Variants in WIPI1 observed in about 807,000 individuals in gnomAD.
WIPI1 encodes WD repeat domain phosphoinositide-interacting protein 1.
A neutral mutation model predicts 55.3 loss-of-function variants in WIPI1; 45 were observed. The observed-to-expected ratio is 0.81, with a 90% confidence interval of 0.64 to 1.04. WIPI1 has a LOEUF of 1.04. WIPI1 is among the 50% of genes least tolerant of loss of function. The pLI is 0.00. For missense variants in WIPI1, 445 were observed against 559.0 expected (o/e 0.80, Z 2.06); for synonymous variants, 195 against 217.6 (o/e 0.90, Z 0.92).
intron 9 of WIPI1, among the ~76,000 whole-genome samples, 191 bp from the exon 10 acceptor site, chr17:68,429,127 T>G (rs2083393268): frequency 6.6e-6 from 1 of 152,230 alleles, no homozygotes; most frequent in South Asian, 2.1e-4. Context: ...TCAGGATTAT[T>G]TCTTGTCTTT....
At chr17:68,441,940 T>G (rs2084095761) in intron 4 of WIPI1, among the ~76,000 whole-genome samples, 1 of 152,208 alleles carries the variant, frequency 6.6e-6, no homozygotes, top group African/African-American at 2.4e-5. Flanking sequence ...CTGGATCCTT[T>G]CATAAGGAGG....
chr17:68,457,495 A>C lies in WIPI1; in HGVS notation c.-74T>G. On this transcript the variant is annotated 5_prime_UTR_variant, in exon 1 of 13. Transcript: ENST00000262139. Reference sequence around the variant, plus strand: ...TCAGCAGCCCGCCCGCGCCGGCTCCACGGGCCGGGTCGCCGGTCCTGCCCC... The same window carrying C: ...TCAGCAGCCCGCCCGCGCCGGCTCCCCGGGCCGGGTCGCCGGTCCTGCCCC... The C allele has an allele frequency of 7.9e-7, 1 of 1,268,230 alleles. No individual in the cohort carries two copies. The highest frequency in any genetic ancestry group is 1.0e-6 in the Non-Finnish European group (1 of 990,110). 78.6% of individuals were successfully genotyped at this position (1,268,230 alleles called of 1,614,324 possible). A position where few individuals can be genotyped will look rare whatever the true frequency, so the allele number is the denominator to read the frequency against.
intron 4 of WIPI1, among the ~76,000 whole-genome samples, chr17:68,439,747 C>G (rs769700157): frequency 1.3e-5 from 2 of 152,180 alleles, no homozygotes; most frequent in Non-Finnish European, 2.9e-5. Flanking sequence ...TACTGTGAAA[C>G]TCTGGCCGAG....
At chr17:68,430,193 GGGC>G in intron 8 of WIPI1, 33 bp from the exon 9 acceptor site, 3 of 1,585,272 alleles carry the variant, frequency 1.9e-6, no homozygotes, top group Non-Finnish European at 2.6e-6. Flanking sequence ...CGATGGGACT[GGGC>G]TGCAGGCCCC....
chr17:68,451,014 G>C, intron 2 of WIPI1, 117 bp from the exon 3 acceptor site: 1 of 1,375,022 alleles, frequency 7.3e-7, no homozygotes, highest in Non-Finnish European at 9.7e-7. Context: ...GGGTCTTGCC[G>C]GCCAGGCGCC....
At chr17:68,456,811 C>G (rs2084655863) in intron 1 of WIPI1, among the ~76,000 whole-genome samples, 1 of 152,224 alleles carries the variant, frequency 6.6e-6, no homozygotes, top group African/African-American at 2.4e-5. Context: ...GGGACAGGGG[C>G]TGGCCTGGCC....
intron 1 of WIPI1, among the ~76,000 whole-genome samples, chr17:68,455,190 C>T (rs771322516): frequency 3.3e-5 from 5 of 151,994 alleles, no homozygotes; most frequent in East Asian, 1.9e-4. Context: ...GGCAAAACCC[C>T]GTCTCTACTA....
At chr17:68,424,306 C>G (rs2083003156) in intron 12 of WIPI1, 3 of 419,264 alleles carry the variant, frequency 7.2e-6, no homozygotes, top group Admixed American at 3.1e-5. Context: ...ACCCGCAGAG[C>G]CGATGTGGGA....
chr17:68,424,061 C>T (rs974022290), intron 12 of WIPI1, among the ~76,000 whole-genome samples: 3 of 152,252 alleles, frequency 2.0e-5, no homozygotes, highest in South Asian at 2.1e-4. Flanking sequence ...AAATAACCAC[C>T]GCCTCTTGAG....
chr17:68,425,562 G>A (rs1443595232), intron 12 of WIPI1, among the ~76,000 whole-genome samples: 4 of 151,904 alleles, frequency 2.6e-5, no homozygotes, highest in Admixed American at 1.3e-4. Context: ...GGGGAGGTGC[G>A]GGTCTGCCGG....
At chr17:68,435,482 C>T in intron 6 of WIPI1, 138 bp downstream of exon 6, 1 of 825,746 alleles carries the variant, frequency 1.2e-6, no homozygotes, top group Non-Finnish European at 2.0e-6. Flanking sequence ...GCCAGAAATT[C>T]TCCCTCTGAA....
Position 68,421,756 on chromosome 17 carries a change from C to T in WIPI1, c.*17G>A. The T allele has an allele frequency of 6.2e-7, 1 of 1,614,188 alleles. No individual in the cohort carries two copies. The highest frequency in any genetic ancestry group is 8.5e-7 in the Non-Finnish European group (1 of 1,180,020). On this transcript the variant is annotated 3_prime_UTR_variant, in exon 13 of 13. Transcript: ENST00000262139. The stretch of plus-strand genomic sequence containing the variant: ...CCTGATAGGGGGGATGTCCTGATTT[C>T]TGAGGTGTGCTTCTCATCATGACTG...
At chr17:68,426,363 G>A (rs147033555) in intron 11 of WIPI1, among the ~76,000 whole-genome samples, 188 bp from the exon 12 acceptor site, 1 of 152,024 alleles carries the variant, frequency 6.6e-6, no homozygotes, top group South Asian at 2.1e-4. Flanking sequence ...AGCCTGACCT[G>A]CCTTTCCACT....
Position 68,423,135 on chromosome 17 carries a change from T to TC in WIPI1, c.1294-1316dup, listed in dbSNP as rs2082919715. ...GAGGCGATTTTAACCAAGCTGAGACTCCAAGAGCCTTTTGTGGTCCTAGAA... is the reference window on the plus strand; with the variant it reads ...GAGGCGATTTTAACCAAGCTGAGACTCCCAAGAGCCTTTTGTGGTCCTAGAA... On this transcript the variant is annotated intron_variant, in intron 12 of 12. Coordinates refer to ENST00000262139, the MANE Select transcript of WIPI1 (RefSeq NM_017983.7). The surrounding 1 kb of genome is among the most constrained non-coding windows in gnomAD (Gnocchi z 4.4). Among the ~76,000 whole-genome samples, 1 of 152,178 alleles carries TC rather than the reference T, an allele frequency of 6.6e-6. No individual in the cohort carries two copies. The highest frequency in any genetic ancestry group is 2.4e-5 in the African/African-American group (1 of 41,448).
chr17:68,455,135 GTGGATC>G (rs1037076956), intron 1 of WIPI1, among the ~76,000 whole-genome samples: 1 of 152,112 alleles, frequency 6.6e-6, no homozygotes, highest in African/African-American at 2.4e-5. Context: ...GCTGAGGTGG[GTGGATC>G]ACTTGAGGTC....
Position 68,457,440 on chromosome 17 carries a change from A to C in WIPI1, c.-19T>G. The C allele has an allele frequency of 7.2e-6, 3 of 415,944 alleles. No homozygotes were observed. The highest frequency in any genetic ancestry group is 1.0e-5 in the Non-Finnish European group (3 of 294,326). 25.8% of individuals were successfully genotyped at this position (415,944 alleles called of 1,614,324 possible). On this transcript the variant is annotated 5_prime_UTR_variant, in exon 1 of 13. Transcript: ENST00000262139. The stretch of plus-strand genomic sequence containing the variant: ...CCTCCATCGGGGGCTCGGCCCGGGA[A>C]GCCGCAGCTCGGAGCCGGCGACAGC...
At chr17:68,433,775 T>G (rs1427879348) in intron 7 of WIPI1, among the ~76,000 whole-genome samples, 200 bp from the exon 8 acceptor site, 6 of 61,514 alleles carry the variant, frequency 9.8e-5, no homozygotes, top group South Asian at 5.9e-4. Flanking sequence ...TTTTTTTTTT[T>G]TTTTTTTTTT....
At position 68,423,343 on chromosome 17, in the gene WIPI1, G is replaced by A. The variant is rs1233478755; in HGVS notation, c.1294-1523C>T. On this transcript the variant is annotated intron_variant, in intron 12 of 12. Coordinates refer to ENST00000262139, the MANE Select transcript of WIPI1 (RefSeq NM_017983.7). The surrounding 1 kb of genome is among the most constrained non-coding windows in gnomAD (Gnocchi z 4.4). ...CATCCCAGGAGCATGCATGCCTCTG[G>A]TCCTTACATGGTGAGATGGAGAAGC... 1.3e-5 allele frequency among the ~76,000 whole-genome samples: 2 copies of A among 152,156 alleles called. No individual in the cohort carries two copies. Among genetic ancestry groups the A allele is most frequent in the Non-Finnish European group, 2.9e-5 (2 of 68,028 alleles).
At position 68,457,479 on chromosome 17, in the gene WIPI1, C is replaced by G. The variant is rs1321770983; in HGVS notation, c.-58G>C. On this transcript the variant is annotated 5_prime_UTR_variant, in exon 1 of 13. Coordinates refer to ENST00000262139, the MANE Select transcript of WIPI1 (RefSeq NM_017983.7). ...GCCGGCGACAGCCACCTCAGCAGCC[C>G]GCCCGCGCCGGCTCCACGGGCCGGG... 3.0e-6 allele frequency: 4 copies of G among 1,349,268 alleles called. No homozygotes were observed. In the East Asian group the frequency reaches 9.5e-5, roughly 32 times the overall value. 83.6% of individuals were successfully genotyped at this position (1,349,268 alleles called of 1,614,324 possible).
Sources: gnomAD v4.1 joint callset for allele counts (sites outside exome capture counted in the v4.1 genomes callset) on GRCh38, gnomAD v4.1.1 for gene constraint, Gnocchi (gnomAD v3.1) non-coding constraint, MANE v1.5 for transcripts, NCBI Gene and HGNC (gene_info 2026-07-23, HGNC 2026-07-21) for gene names.